SLC16A1: variants seen among roughly 807,000 people sequenced by gnomAD.
SLC16A1 encodes solute carrier family 16 member 1.
In SLC16A1, 11 loss-of-function variants were observed where a neutral mutation model predicts 32.2. The observed-to-expected ratio is 0.34, with a 90% CI of 0.21 to 0.56. SLC16A1 has a LOEUF of 0.56. Among genes scored for constraint, SLC16A1 ranks in the 20% least tolerant of loss-of-function variants. The probability of loss-of-function intolerance (pLI) is 0.87; values close to 1 mark genes in which losing one functional copy is unlikely to be tolerated. For missense variants in SLC16A1, 435 were observed against 615.0 expected, an observed-to-expected ratio of 0.71 and a Z score of 3.10; for synonymous variants, 231 against 226.8, an observed-to-expected ratio of 1.02 and a Z score of -0.17.
chr1:112,936,671 A>G (rs927042305), intron 1 of SLC16A1, among the ~76,000 whole-genome samples: 6 of 152,112 alleles, frequency 3.9e-5, no homozygotes, highest in Non-Finnish European at 5.9e-5. Context: ...GTGAACCACC[A>G]TAAGAAATGG....
intron 2 of SLC16A1, chr1:112,924,309 T>C (rs776892131): frequency 1.4e-4 from 196 of 1,397,944 alleles, no homozygotes; most frequent in Non-Finnish European, 1.8e-4. Flanking sequence ...AGCCTGGCAA[T>C]TGGTTGCTCA....
chr1:112,943,316 A>AGGCTGAGGCAGG (rs2101647030), intron 1 of SLC16A1, among the ~76,000 whole-genome samples: 1 of 149,458 alleles, frequency 6.7e-6, no homozygotes, highest in East Asian at 2.0e-4. Context: ...AGCTACTCAG[A>AGGCTGAGGCAGG]AGACTCTCTT....
chr1:112,940,396 G>C (rs1274949946), intron 1 of SLC16A1, among the ~76,000 whole-genome samples: 1 of 152,098 alleles, frequency 6.6e-6, no homozygotes, highest in Non-Finnish European at 1.5e-5. Flanking sequence ...TCGTGAGAGA[G>C]TCTTGAGGTC....
chr1:112,942,344 A>T (rs905683169), intron 1 of SLC16A1, among the ~76,000 whole-genome samples: 1 of 152,254 alleles, frequency 6.6e-6, no homozygotes, highest in Non-Finnish European at 1.5e-5. Context: ...CAACTGAGTC[A>T]GCTGAGCAAA....
At chr1:112,932,540 C>T (rs1020081941) in intron 1 of SLC16A1, among the ~76,000 whole-genome samples, 11 of 152,040 alleles carry the variant, frequency 7.2e-5, no homozygotes, top group Non-Finnish European at 1.3e-4. Flanking sequence ...CGGTGGCTCA[C>T]ACCTGTAATC....
chr1:112,932,531 G>A (rs1006980733), intron 1 of SLC16A1, among the ~76,000 whole-genome samples: 3 of 151,836 alleles, frequency 2.0e-5, no homozygotes, highest in African/African-American at 7.3e-5. Context: ...GGCCAGGTGC[G>A]GTGGCTCACA....
chr1:112,914,570 G>A (rs937214722), intron 4 of SLC16A1, among the ~76,000 whole-genome samples: 2 of 152,202 alleles, frequency 1.3e-5, no homozygotes, highest in East Asian at 3.8e-4. Context: ...ATTTCCCAAA[G>A]AGTATTCCTG....
chr1:112,942,965 T>C (rs1457559865), intron 1 of SLC16A1, among the ~76,000 whole-genome samples: 1 of 151,298 alleles, frequency 6.6e-6, no homozygotes, highest in Non-Finnish European at 1.5e-5. Flanking sequence ...CTTGTGTGTA[T>C]ATATTTACTT....
rs1369301539 is a variant in SLC16A1, at chr1:112,923,519, C to T, written c.218-1386G>A. The T allele has an allele frequency of 2.9e-6, 3 of 1,030,034 alleles. No individual in the cohort carries two copies. The African/African-American group carries it at 4.7e-5, about 16-fold the overall frequency. The allele number at this position is 1,030,034 out of a possible 1,614,324, so 63.8% of individuals were successfully genotyped here. A position where few individuals can be genotyped will look rare whatever the true frequency, so the allele number is the denominator to read the frequency against. On this transcript the variant is annotated intron_variant, in intron 2 of 4. Coordinates refer to ENST00000369626, the MANE Select transcript of SLC16A1 (RefSeq NM_003051.4). ...ACGGCCACACCAAGATAGACACGGC[C>T]TTCGTGTACAGCGACAGCCAGTCCA...
chr1:112,933,987 T>C (rs1316371572), intron 1 of SLC16A1, among the ~76,000 whole-genome samples: 1 of 152,150 alleles, frequency 6.6e-6, no homozygotes. Flanking sequence ...GGTACAGCCA[T>C]ATAATAGAAT....
At chr1:112,915,840 CA>C (rs1648485091) in intron 4 of SLC16A1, among the ~76,000 whole-genome samples, 1 of 152,150 alleles carries the variant, frequency 6.6e-6, no homozygotes, top group South Asian at 2.1e-4. Context: ...CTCCCCAAAT[CA>C]AAGTTCCTAA....
rs754379699 is a variant in SLC16A1, at chr1:112,917,126, C to A, written c.1228+52G>T. 6.2e-7 allele frequency: 1 copy of A among 1,611,898 alleles called. No individual in the cohort carries two copies. Among genetic ancestry groups the A allele is most frequent in the Non-Finnish European group, 8.5e-7 (1 of 1,178,624 alleles). On this transcript the variant is annotated intron_variant, in intron 4 of 4. Coordinates refer to ENST00000369626, the MANE Select transcript of SLC16A1 (RefSeq NM_003051.4). The surrounding 1 kb of genome is among the most constrained non-coding windows in gnomAD (Gnocchi z 4.1). ...GTTTGCTTTCTGTCAGCATTCCCAT[C>A]TTACATGCTTGTTTTGTAATAGACC... is the stretch of plus-strand genomic sequence containing the variant.
intron 1 of SLC16A1, among the ~76,000 whole-genome samples, chr1:112,932,591 A>G (rs1372358549): frequency 6.6e-6 from 1 of 151,630 alleles, no homozygotes; most frequent in East Asian, 1.9e-4. Flanking sequence ...ATCACAAGGT[A>G]AGGAATCCAA....
intron 1 of SLC16A1, among the ~76,000 whole-genome samples, chr1:112,930,724 G>GTTT (rs536201953): frequency 1.2e-4 from 16 of 135,198 alleles, no homozygotes; most frequent in African/African-American, 2.2e-4. Flanking sequence ...AACATTTTAG[G>GTTT]TTTTTTTTTT....
At position 112,947,227 on chromosome 1, in the gene SLC16A1, T is replaced by C. The variant is rs552649978; in HGVS notation, c.-45+8808A>G. On this transcript the variant is annotated intron_variant, in intron 1 of 4. Transcript: ENST00000369626. ...TATATTCAACAAATCGATATCTAAG[T>C]GGGCCATTTAAATTTATTAACACAT... Among the ~76,000 whole-genome samples the C allele has an allele frequency of 5.3e-5, 8 of 152,322 alleles. No individual in the cohort carries two copies. The East Asian group carries it at 1.5e-3, about 29-fold the overall frequency.
Position 112,917,366 on chromosome 1 carries a change from G to T in SLC16A1, c.1040C>A (p.Ala347Glu), listed in dbSNP as rs60120345. 4.3e-6 allele frequency: 7 copies of T among 1,614,094 alleles called. No individual in the cohort carries two copies. The highest frequency in any genetic ancestry group is 5.1e-6 in the Non-Finnish European group (6 of 1,180,046). Residue 347 changes from alanine to glutamate, a missense_variant, in exon 4 of 5, where the codon GCA becomes GAA. Around this residue, in one of 2 missense-constraint regions of SLC16A1, gnomAD observed 324 missense variants for 500.3 expected, o/e 0.65. Coordinates refer to ENST00000369626, the MANE Select transcript of SLC16A1 (RefSeq NM_003051.4). This position sits in a 1 kb window ranked among gnomAD's most constrained non-coding sequence, Gnocchi z 4.1. ...TCCAACATAGGTAGTGGATAAAGGT[G>T]CTAGCATATGACACACTCCATTTGC... ...VVANGVCHMLAPLSTTYVGFC... is the reference protein window; with the variant it reads ...VVANGVCHMLEPLSTTYVGFC...
chr1:112,939,458 A>G (rs1343817154), intron 1 of SLC16A1, among the ~76,000 whole-genome samples: 1 of 152,220 alleles, frequency 6.6e-6, no homozygotes, highest in Non-Finnish European at 1.5e-5. Flanking sequence ...ATTTTTCACA[A>G]TAGCCAAGAT....
chr1:112,915,713 T>C (rs544162167), intron 4 of SLC16A1, among the ~76,000 whole-genome samples: 2 of 152,104 alleles, frequency 1.3e-5, no homozygotes, highest in East Asian at 3.9e-4. Context: ...AATGGGCAGA[T>C]GAGAACAAGA....
chr1:112,934,874 A>T (rs1348804053), intron 1 of SLC16A1, among the ~76,000 whole-genome samples: 1 of 152,238 alleles, frequency 6.6e-6, no homozygotes, highest in Non-Finnish European at 1.5e-5. Flanking sequence ...GGCCTGCCAA[A>T]CATAAGCTCA....
Sources: allele counts gnomAD v4.1 joint callset (sites outside exome capture counted in the v4.1 genomes callset), GRCh38; gene constraint gnomAD v4.1.1; regional missense constraint gnomAD v4.1.1; non-coding constraint Gnocchi (gnomAD v3.1); transcripts MANE v1.5; gene names NCBI Gene and HGNC (gene_info 2026-07-23, HGNC 2026-07-21).